Variants in RASGEF1C observed in about 807,000 individuals in gnomAD.
RASGEF1C encodes ras-GEF domain-containing family member 1C.
Under a neutral mutation model 58.1 loss-of-function variants are expected in RASGEF1C, and 27 were observed. The ratio of observed to expected loss-of-function variants is 0.46; its 90% CI spans 0.34 to 0.64. RASGEF1C has a LOEUF of 0.64. RASGEF1C is among the 30% of genes least tolerant of loss of function. The pLI is 0.01. For missense variants in RASGEF1C, 502 were observed against 605.1 expected, an observed-to-expected ratio of 0.83 and a Z score of 1.79; for synonymous variants, 243 against 246.3, an observed-to-expected ratio of 0.99 and a Z score of 0.13.
intron 1 of RASGEF1C, among the ~76,000 whole-genome samples, chr5:180,182,304 C>G (rs1390730488): frequency 6.8e-6 from 1 of 147,794 alleles, no homozygotes; most frequent in African/African-American, 2.5e-5. Flanking sequence ...TTTCTTCCTT[C>G]CGGTGGGTTT....
At chr5:180,166,374 G>A (rs1014410575) in intron 1 of RASGEF1C, among the ~76,000 whole-genome samples, 3 of 152,124 alleles carry the variant, frequency 2.0e-5, no homozygotes, top group Non-Finnish European at 4.4e-5. Flanking sequence ...CCCCATGTAT[G>A]TGTCCTTCCA....
chr5:180,181,192 C>T (rs1336313348), intron 1 of RASGEF1C, among the ~76,000 whole-genome samples: 6 of 152,112 alleles, frequency 3.9e-5, no homozygotes, highest in African/African-American at 7.2e-5. Flanking sequence ...GCAATCCCAC[C>T]GGGATCAGGG....
intron 1 of RASGEF1C, among the ~76,000 whole-genome samples, chr5:180,203,764 G>A (rs993933859): frequency 6.6e-6 from 1 of 152,224 alleles, no homozygotes; most frequent in African/African-American, 2.4e-5. Flanking sequence ...GGAAGCCAAG[G>A]TGGGAGGATC....
In RASGEF1C at chr5:180,156,578, G is replaced by A; in HGVS notation, c.-6-18520C>T. Among the ~76,000 whole-genome samples the A allele has an allele frequency of 6.6e-6, 1 of 152,152 alleles. No homozygotes were observed. Among genetic ancestry groups the A allele is most frequent in the East Asian group, 1.9e-4 (1 of 5,182 alleles). On this transcript the variant is annotated intron_variant, in intron 1 of 13. Transcript: ENST00000361132. The surrounding 1 kb of genome is among the most constrained non-coding windows in gnomAD (Gnocchi z 4.9). ...GAGTCCAGCAGTTCAAGACCAGCCT[G>A]GGCAACATGGTGAGATCCTGTCTCT...
chr5:180,103,311 T>A (rs1765827441), intron 12 of RASGEF1C, among the ~76,000 whole-genome samples: 1 of 152,182 alleles, frequency 6.6e-6, no homozygotes, highest in African/African-American at 2.4e-5. Context: ...TCTCCTGACC[T>A]TGTGATCCGC....
chr5:180,136,822 T>A, intron 3 of RASGEF1C: 1 of 415,936 alleles, frequency 2.4e-6, no homozygotes, highest in Non-Finnish European at 4.4e-6. Flanking sequence ...GCCCCAGGGG[T>A]GGGTCTAGGT....
In RASGEF1C at chr5:180,168,838, C is replaced by T. The variant is rs752898001; in HGVS notation, c.-6-30780G>A. ...TGTGAATAATAAGAGACCCTCCTCC[C>T]GTTCCTCAAACCAGAAGCAGAGGGT... is the stretch of plus-strand genomic sequence containing the variant. On this transcript the variant is annotated intron_variant, in intron 1 of 13. Coordinates refer to ENST00000361132, the MANE Select transcript of RASGEF1C (RefSeq NM_175062.4). This position sits in a 1 kb window ranked among gnomAD's most constrained non-coding sequence, Gnocchi z 6.0. Among the ~76,000 whole-genome samples, 20 of 152,290 alleles carry T rather than the reference C, an allele frequency of 1.3e-4. 1 individual carries two copies. Among genetic ancestry groups the T allele is most frequent in the African/African-American group, 2.6e-4 (11 of 41,560 alleles).
chr5:180,116,849 C>G (rs901399103), intron 10 of RASGEF1C, among the ~76,000 whole-genome samples: 2 of 152,266 alleles, frequency 1.3e-5, no homozygotes, highest in African/African-American at 4.8e-5. Context: ...AGGAGTCAGC[C>G]TGGCGGTGTG....
intron 1 of RASGEF1C, among the ~76,000 whole-genome samples, chr5:180,146,765 T>C (rs1176030122): frequency 6.6e-6 from 1 of 152,222 alleles, no homozygotes; most frequent in East Asian, 1.9e-4. Flanking sequence ...TATTGGTCTG[T>C]AGTTTACTTC....
chr5:180,201,249 G>A (rs1264681366), intron 1 of RASGEF1C, among the ~76,000 whole-genome samples: 1 of 152,198 alleles, frequency 6.6e-6, no homozygotes, highest in Non-Finnish European at 1.5e-5. Context: ...GCTTCTAGGG[G>A]CCAGGCATGT....
rs192388605 is a variant in RASGEF1C at position 180,109,329 on chromosome 5, G to T, written c.1303+2128C>A. ...AAAAATTAGCCGGGCGTGGTGGTGG[G>T]TGCCTGTAGTCCCAGCTACTCGGGA... On this transcript the variant is annotated intron_variant, in intron 12 of 13. Coordinates refer to ENST00000361132, the MANE Select transcript of RASGEF1C (RefSeq NM_175062.4). Among the ~76,000 whole-genome samples, 1,140 of 152,212 alleles carry T rather than the reference G, an allele frequency of 7.5e-3. 2 individuals carry two copies. Among genetic ancestry groups the T allele is most frequent in the Non-Finnish European group, 0.011 (732 of 68,006 alleles).
chr5:180,179,346 C>T (rs73813827), intron 1 of RASGEF1C, among the ~76,000 whole-genome samples: 4,639 of 152,072 alleles, frequency 0.031, 254 homozygotes, highest in African/African-American at 0.11. Flanking sequence ...GCAGGAAGCC[C>T]AGGGACAGGA....
Position 180,137,384 on chromosome 5 carries a change from C to T in RASGEF1C, c.300+206G>A, listed in dbSNP as rs1300438724. ...TGGGCTTAATGGGCTCAAGGGTTCC[C>T]GTCGGGCACTGGAAAACTACATGGA... On this transcript the variant is annotated intron_variant, in intron 3 of 13. Transcript: ENST00000361132. The surrounding 1 kb of genome is among the most constrained non-coding windows in gnomAD (Gnocchi z 4.1). Among the ~76,000 whole-genome samples, 2 of 152,184 alleles carry T rather than the reference C, an allele frequency of 1.3e-5. No homozygotes were observed. The highest frequency in any genetic ancestry group is 2.4e-5 in the African/African-American group (1 of 41,428).
At chr5:180,126,270 T>A (rs550631277) in intron 6 of RASGEF1C, among the ~76,000 whole-genome samples, 1 of 151,754 alleles carries the variant, frequency 6.6e-6, no homozygotes, top group African/African-American at 2.4e-5. Flanking sequence ...AGCCGGGTGT[T>A]GTGGTGGGCG....
intron 1 of RASGEF1C, among the ~76,000 whole-genome samples, chr5:180,153,079 C>G (rs559180402): frequency 2.0e-4 from 31 of 152,190 alleles, no homozygotes; most frequent in Non-Finnish European, 4.4e-4. Flanking sequence ...ATGTTCTAGT[C>G]CTTAAATGCC....
chr5:180,159,071 T>A (rs911620834), intron 1 of RASGEF1C, among the ~76,000 whole-genome samples: 1 of 152,070 alleles, frequency 6.6e-6, no homozygotes, highest in Non-Finnish European at 1.5e-5. Context: ...TTTTGTTCTT[T>A]TTTTCAGAGA....
chr5:180,205,189 A>AAAATAAAT (rs925444129), intron 1 of RASGEF1C, among the ~76,000 whole-genome samples: 3 of 152,170 alleles, frequency 2.0e-5, no homozygotes, highest in Admixed American at 2.0e-4. Flanking sequence ...ACTCCGTCTC[A>AAAATAAAT]AAATAAATAA....
chr5:180,103,272 T>C (rs999573944), intron 12 of RASGEF1C, among the ~76,000 whole-genome samples: 41 of 152,228 alleles, frequency 2.7e-4, no homozygotes, highest in Admixed American at 8.5e-4. Context: ...AGAGATGGGG[T>C]TTCACCGTGT....
chr5:180,123,673 A>C (rs116726833), intron 6 of RASGEF1C, among the ~76,000 whole-genome samples: 282 of 152,254 alleles, frequency 1.9e-3, no homozygotes, highest in African/African-American at 6.6e-3. Context: ...AACAGTATAA[A>C]TCCAAAGAAA....
Sources: allele counts gnomAD v4.1 joint callset (sites outside exome capture counted in the v4.1 genomes callset), GRCh38; gene constraint gnomAD v4.1.1; non-coding constraint Gnocchi (gnomAD v3.1); transcripts MANE v1.5; gene names NCBI Gene and HGNC (gene_info 2026-07-23, HGNC 2026-07-21).